The following MECOM variants were observed in gnomAD, a reference collection of about 807,000 sequenced individuals.
The protein encoded by MECOM is histone-lysine N-methyltransferase MECOM.
MECOM carries 13 observed loss-of-function variants against 116.3 expected under a neutral mutation model. The ratio of observed to expected loss-of-function variants is 0.11; its 90% CI spans 0.07 to 0.18. The LOEUF (loss-of-function observed/expected upper bound fraction) is 0.18. MECOM is among the 10% of genes least tolerant of loss of function. MECOM has a pLI of 1.00. For synonymous variants in MECOM, 528 were observed against 535.2 expected (o/e 0.99, Z 0.19); for missense variants, 1,299 against 1,509.0 (o/e 0.86, Z 2.31).
intron 2 of MECOM, among the ~76,000 whole-genome samples, chr3:169,330,713 C>T (rs959667644): frequency 2.6e-5 from 4 of 151,596 alleles, no homozygotes; most frequent in African/African-American, 9.7e-5. Context: ...TTGATTTTGA[C>T]CTTTTTCCAA....
chr3:169,430,508 G>A (rs996693377), intron 1 of MECOM, among the ~76,000 whole-genome samples: 2 of 151,804 alleles, frequency 1.3e-5, no homozygotes, highest in Non-Finnish European at 2.9e-5. Context: ...GGCTTACAGT[G>A]GTAACAGATA....
chr3:169,558,596 G>A (rs950983845), intron 1 of MECOM, among the ~76,000 whole-genome samples: 1 of 152,178 alleles, frequency 6.6e-6, no homozygotes, highest in Non-Finnish European at 1.5e-5. Context: ...TTTATCCAGC[G>A]AGTATCTCAG....
intron 12 of MECOM, among the ~76,000 whole-genome samples, chr3:169,098,449 G>C (rs1465490774): frequency 6.6e-6 from 1 of 152,120 alleles, no homozygotes; most frequent in Admixed American, 6.6e-5. Flanking sequence ...ATAAATTTTG[G>C]GGGAAAATAG....
chr3:169,617,474 A>G (rs892034845), intron 1 of MECOM, among the ~76,000 whole-genome samples: 1 of 152,204 alleles, frequency 6.6e-6, no homozygotes, highest in African/African-American at 2.4e-5. Flanking sequence ...TCCATAGACT[A>G]TACTTTGAGT....
intron 1 of MECOM, among the ~76,000 whole-genome samples, chr3:169,627,054 C>T (rs1031506599): frequency 3.9e-5 from 6 of 152,148 alleles, no homozygotes; most frequent in Non-Finnish European, 8.8e-5. Flanking sequence ...AAAGAAGGAT[C>T]AATCAATTAA....
At chr3:169,148,278 A>G (rs897695032) in intron 2 of MECOM, among the ~76,000 whole-genome samples, 4 of 152,198 alleles carry the variant, frequency 2.6e-5, no homozygotes, top group Non-Finnish European at 5.9e-5. Context: ...GCAATAAGCA[A>G]TTTGACGACT....
intron 2 of MECOM, among the ~76,000 whole-genome samples, chr3:169,249,532 A>T (rs1386414722): frequency 6.6e-6 from 1 of 152,210 alleles, no homozygotes; most frequent in Non-Finnish European, 1.5e-5. Context: ...TCTTGCTGAG[A>T]GTCGAGAAGT....
chr3:169,589,451 ATTCTACT>A (rs1180169432), intron 1 of MECOM, among the ~76,000 whole-genome samples: 1 of 152,104 alleles, frequency 6.6e-6, no homozygotes, highest in Non-Finnish European at 1.5e-5. Flanking sequence ...GTTAGAGTAG[ATTCTACT>A]TTAAACTTTA....
chr3:169,452,404 T>A (rs1745768001), intron 1 of MECOM, among the ~76,000 whole-genome samples: 1 of 152,216 alleles, frequency 6.6e-6, no homozygotes, highest in Non-Finnish European at 1.5e-5. Context: ...TACATAAATC[T>A]ATGATGGATC....
intron 1 of MECOM, among the ~76,000 whole-genome samples, chr3:169,451,251 T>TG (rs1270095379): frequency 8.6e-6 from 1 of 116,412 alleles, no homozygotes. Context: ...TTTAAGATGG[T>TG]GAAAAAAAAA....
intron 2 of MECOM, among the ~76,000 whole-genome samples, chr3:169,222,171 T>A (rs1752216914): frequency 6.6e-6 from 1 of 152,240 alleles, no homozygotes; most frequent in African/African-American, 2.4e-5. Context: ...TGCCACAGAA[T>A]ATGAGTTACT....
chr3:169,260,613 G>A (rs1056092832), intron 2 of MECOM, among the ~76,000 whole-genome samples: 4 of 152,212 alleles, frequency 2.6e-5, no homozygotes, highest in East Asian at 3.9e-4. Context: ...ATCAGTCTCC[G>A]TTCACTGCCC....
chr3:169,298,306 CAT>C (rs1252580694), intron 2 of MECOM, among the ~76,000 whole-genome samples: 1 of 151,896 alleles, frequency 6.6e-6, no homozygotes, highest in Non-Finnish European at 1.5e-5. Context: ...TATGAAGACA[CAT>C]ATGGTTCTCT....
intron 2 of MECOM, among the ~76,000 whole-genome samples, chr3:169,172,407 ATGTGTGTGTGTGTGTG>A (rs5854312): frequency 1.5e-4 from 21 of 144,470 alleles, no homozygotes; most frequent in African/African-American, 2.3e-4. Context: ...GTACCCTTGT[ATGTGTGTGTGTGTGTG>A]TGTGTGTGTG....
At chr3:169,506,358 TG>T (rs992699788) in intron 1 of MECOM, among the ~76,000 whole-genome samples, 1 of 152,140 alleles carries the variant, frequency 6.6e-6, no homozygotes, top group African/African-American at 2.4e-5. Flanking sequence ...GCTGGTGCCG[TG>T]GGGACTAATC....
At chr3:169,445,769 A>C (rs1295080163) in intron 1 of MECOM, among the ~76,000 whole-genome samples, 1 of 152,176 alleles carries the variant, frequency 6.6e-6, no homozygotes, top group Non-Finnish European at 1.5e-5. Flanking sequence ...GAGAGGCTCT[A>C]CCCTGCAAAG....
At chr3:169,230,208 C>T (rs1412082162) in intron 2 of MECOM, among the ~76,000 whole-genome samples, 1 of 151,522 alleles carries the variant, frequency 6.6e-6, no homozygotes. Context: ...TGTCTACCAT[C>T]TTGGCTTTTC....
chr3:169,479,722 G>T (rs187279058), intron 1 of MECOM, among the ~76,000 whole-genome samples: 2 of 150,472 alleles, frequency 1.3e-5, no homozygotes, highest in African/African-American at 4.9e-5. Flanking sequence ...GACACATTTG[G>T]TGATATAACC....
intron 1 of MECOM, among the ~76,000 whole-genome samples, chr3:169,602,787 C>G (rs1401875456): frequency 6.6e-6 from 1 of 152,156 alleles, no homozygotes; most frequent in Non-Finnish European, 1.5e-5. Context: ...CTCCCTTCCC[C>G]AATCACTCAT....
Sources: gnomAD v4.1 joint callset for allele counts (sites outside exome capture counted in the v4.1 genomes callset) on GRCh38, gnomAD v4.1.1 for gene constraint, MANE v1.5 for transcripts, NCBI Gene and HGNC (gene_info 2026-07-23, HGNC 2026-07-21) for gene names.